PTK2: variants seen among roughly 807,000 people sequenced by gnomAD.
The protein encoded by PTK2 is protein tyrosine kinase 2, also known as focal adhesion kinase 1.
PTK2 carries 45 observed loss-of-function variants against 150.1 expected under a neutral mutation model. The observed-to-expected ratio is 0.30, with a 90% CI of 0.24 to 0.38. The LOEUF is 0.38. Ranked by LOEUF, PTK2 falls within the 10% of genes least tolerant of loss-of-function variation. The pLI is 1.00. For synonymous variants in PTK2, 432 were observed against 449.2 expected (o/e 0.96, Z 0.48); for missense variants, 919 against 1,307.3 (o/e 0.70, Z 4.58).
At chr8:140,829,450 G>A (rs1316753641) in intron 8 of PTK2, among the ~76,000 whole-genome samples, 2 of 152,192 alleles carry the variant, frequency 1.3e-5, no homozygotes, top group South Asian at 2.1e-4. Flanking sequence ...TCAACATGAC[G>A]TCGACAGTTC....
At chr8:140,965,361 T>C (rs1432580093) in intron 1 of PTK2, among the ~76,000 whole-genome samples, 2 of 152,194 alleles carry the variant, frequency 1.3e-5, no homozygotes, top group African/African-American at 4.8e-5. Context: ...GGGGCTGTTC[T>C]GTCTCACCCC....
At chr8:140,962,975 A>C (rs946058257) in intron 1 of PTK2, among the ~76,000 whole-genome samples, 1 of 151,864 alleles carries the variant, frequency 6.6e-6, no homozygotes. Context: ...TTTGCAGTGC[A>C]AAAGCAGCCA....
chr8:140,707,597 G>A (rs1183812502), intron 23 of PTK2, among the ~76,000 whole-genome samples: 1 of 152,074 alleles, frequency 6.6e-6, no homozygotes, highest in African/African-American at 2.4e-5. Flanking sequence ...TAGAGATGGG[G>A]TTTTGCCATG....
intron 4 of PTK2, among the ~76,000 whole-genome samples, chr8:140,864,653 C>T (rs566860515): frequency 1.4e-4 from 22 of 152,188 alleles, no homozygotes; most frequent in Non-Finnish European, 2.6e-4. Flanking sequence ...GTCCTTCCAA[C>T]CCATGGGTCA....
At chr8:140,725,104 A>G (rs2100044974) in intron 22 of PTK2, among the ~76,000 whole-genome samples, 2 of 152,194 alleles carry the variant, frequency 1.3e-5, no homozygotes, top group Admixed American at 6.5e-5. Flanking sequence ...ATTTTTAAAA[A>G]AACCCTGATA....
chr8:140,717,413 A>G (rs2100040322), intron 23 of PTK2, among the ~76,000 whole-genome samples, 185 bp downstream of exon 26: 2 of 152,270 alleles, frequency 1.3e-5, no homozygotes, highest in Admixed American at 1.3e-4. Flanking sequence ...ACAAATGAGG[A>G]AAGTGAGTGC....
intron 2 of PTK2, among the ~76,000 whole-genome samples, chr8:140,899,574 G>T (rs1034315817): frequency 6.6e-6 from 1 of 152,010 alleles, no homozygotes. Flanking sequence ...TATTGAAGAG[G>T]GGAGAATATT....
intron 17 of PTK2, 94 bp from the exon 21 acceptor site, chr8:140,746,954 A>C: frequency 1.2e-6 from 1 of 800,844 alleles, no homozygotes; most frequent in Non-Finnish European, 1.9e-6. Flanking sequence ...GCAGTGGTAC[A>C]ATCTCGACTC....
chr8:140,871,012 T>C (rs1407399442), intron 4 of PTK2, among the ~76,000 whole-genome samples: 1 of 152,090 alleles, frequency 6.6e-6, no homozygotes, highest in Non-Finnish European at 1.5e-5. Flanking sequence ...GTAGAAGCCA[T>C]ACAACATATA....
chr8:140,848,519 T>C (rs188195240), intron 5 of PTK2, among the ~76,000 whole-genome samples: 2 of 152,322 alleles, frequency 1.3e-5, no homozygotes, highest in African/African-American at 4.8e-5. Flanking sequence ...ATTTTCCATA[T>C]ATATTTTCCC....
chr8:140,993,534 C>T (rs2100196533), intron 1 of PTK2, among the ~76,000 whole-genome samples: 1 of 152,164 alleles, frequency 6.6e-6, no homozygotes, highest in South Asian at 2.1e-4. Context: ...CATTTTACTA[C>T]AAAATATGTA....
chr8:140,828,083 C>A (rs901074566), intron 8 of PTK2, among the ~76,000 whole-genome samples: 3 of 151,192 alleles, frequency 2.0e-5, no homozygotes, highest in African/African-American at 7.3e-5. Context: ...AGAAGAATTG[C>A]TTGAACCGGG....
intron 23 of PTK2, among the ~76,000 whole-genome samples, chr8:140,711,663 C>T (rs570949401): frequency 6.6e-6 from 1 of 152,266 alleles, no homozygotes; most frequent in African/African-American, 2.4e-5. Flanking sequence ...ATCACCAAGA[C>T]CAATGAAATT....
intron 26 of PTK2, among the ~76,000 whole-genome samples, chr8:140,688,949 G>A (rs2100021535): frequency 6.6e-6 from 1 of 152,208 alleles, no homozygotes; most frequent in Non-Finnish European, 1.5e-5. Flanking sequence ...AGTATGCTGT[G>A]TTTTTTACCA....
At chr8:140,720,148 T>A (rs1219093172) in intron 22 of PTK2, among the ~76,000 whole-genome samples, 2 of 152,098 alleles carry the variant, frequency 1.3e-5, no homozygotes, top group Non-Finnish European at 1.5e-5. Flanking sequence ...TTTGGAAATG[T>A]AACGAGCATT....
intron 20 of PTK2, among the ~76,000 whole-genome samples, chr8:140,739,613 A>G (rs143302585): frequency 4.5e-4 from 69 of 152,316 alleles, no homozygotes; most frequent in African/African-American, 1.7e-3. Flanking sequence ...CATAGATTAC[A>G]ATCTTCACTC....
chr8:140,752,190 A>G lies in PTK2; in HGVS notation c.1417+42T>C, dbSNP rs747470056. 6 of 1,489,776 alleles carry G rather than the reference A, an allele frequency of 4.0e-6. No individual in the cohort carries two copies. In the African/African-American group the frequency reaches 7.0e-5, roughly 17 times the overall value. 92.3% of individuals were successfully genotyped at this position (1,489,776 alleles called of 1,614,324 possible). On this transcript the variant is annotated intron_variant, in intron 17 of 31. Coordinates refer to ENST00000522684, the Ensembl canonical transcript of PTK2. ...CAGAGACAGTTTGGATTTCACAGAT[A>G]GAAAGTCAAATGGAGTTCCACAGAA...
chr8:140,739,192 G>A, intron 20 of PTK2, 85 bp from the exon 24 acceptor site: 1 of 866,020 alleles, frequency 1.2e-6, no homozygotes, highest in Non-Finnish European at 1.7e-6. Flanking sequence ...CAGTATCAAA[G>A]GAAAAAGCTT....
At position 140,675,308 on chromosome 8, in the gene PTK2, T is replaced by C. The variant is rs1247843297; in HGVS notation, c.2602+152A>G. ...ATTCTTTTTCCCAATACTCTAGTAA[T>C]GAGCTGAATGTGGTAAACATCGTAC... On this transcript the variant is annotated intron_variant, in intron 28 of 31. Coordinates refer to ENST00000522684, the Ensembl canonical transcript of PTK2. The C allele has an allele frequency of 4.0e-5, 31 of 779,524 alleles. No homozygotes were observed. In the East Asian group the frequency reaches 5.7e-4, roughly 14 times the overall value. 48.3% of individuals were successfully genotyped at this position (779,524 alleles called of 1,614,324 possible). A position where few individuals can be genotyped will look rare whatever the true frequency, so the allele number is the denominator to read the frequency against.
Sources: gnomAD v4.1 joint callset for allele counts (sites outside exome capture counted in the v4.1 genomes callset) on GRCh38, gnomAD v4.1.1 for gene constraint, MANE v1.5 for transcripts, NCBI Gene and HGNC (gene_info 2026-07-23, HGNC 2026-07-21) for gene names.